Variants in VTI1A observed in about 807,000 individuals in gnomAD.
VTI1A encodes the protein vesicle transport through interaction with t-SNAREs 1A.
In VTI1A, 22 loss-of-function variants were observed where a neutral mutation model predicts 34.9. The ratio of observed to expected loss-of-function variants is 0.63; its 90% CI spans 0.45 to 0.90. The LOEUF (loss-of-function observed/expected upper bound fraction) is 0.90. Among genes scored for constraint, VTI1A ranks in the 40% least tolerant of loss-of-function variants. The pLI is 0.00. For synonymous variants in VTI1A, 87 were observed against 97.3 expected, an observed-to-expected ratio of 0.89 and a Z score of 0.62; for missense variants, 268 against 275.6, an observed-to-expected ratio of 0.97 and a Z score of 0.20.
chr10:112,641,999 C>T (rs1846594936), intron 5 of VTI1A, among the ~76,000 whole-genome samples: 1 of 152,324 alleles, frequency 6.6e-6, no homozygotes, highest in Admixed American at 6.5e-5. Flanking sequence ...ACCCAGACCA[C>T]TCTTTGAGCA....
rs574703522 is a variant in VTI1A, at chr10:112,595,831, T to C, written c.427+57501T>C. Among the ~76,000 whole-genome samples, 3 of 152,162 alleles carry C rather than the reference T, an allele frequency of 2.0e-5. No individual in the cohort carries two copies. The South Asian group carries it at 6.2e-4, about 32-fold the overall frequency. On this transcript the variant is annotated intron_variant, in intron 5 of 7. Coordinates refer to ENST00000393077, the MANE Select transcript of VTI1A (RefSeq NM_145206.4). ...TACTGGGTATATACCCAAAGGACTA[T>C]AAATCATGCTGCTATAAAGACACAT...
intron 5 of VTI1A, chr10:112,548,975 C>T: frequency 1.5e-6 from 1 of 649,054 alleles, no homozygotes. Flanking sequence ...TTCTCTTCTT[C>T]TCCTTCCCTG....
chr10:112,842,050 CCTTT>C, the VTI1A span, among the ~76,000 whole-genome samples: 1 of 93,164 alleles, frequency 1.1e-5, no homozygotes, highest in Admixed American at 1.1e-4. Context: ...TTTTTTTTTT[CCTTT>C]TTTTTTTTTT....
chr10:112,596,161 G>A (rs551514887), intron 5 of VTI1A, among the ~76,000 whole-genome samples: 1 of 150,930 alleles, frequency 6.6e-6, no homozygotes, highest in Admixed American at 6.6e-5. Flanking sequence ...GGGGACTGTT[G>A]TGGGGTGGAG....
At chr10:112,660,116 T>G (rs1399697531) in intron 5 of VTI1A, among the ~76,000 whole-genome samples, 1 of 152,198 alleles carries the variant, frequency 6.6e-6, no homozygotes, top group African/African-American at 2.4e-5. Context: ...TGTTGTTGTT[T>G]TTGAGACAGA....
chr10:112,808,596 G>T, intron 7 of VTI1A, among the ~76,000 whole-genome samples: 1 of 146,812 alleles, frequency 6.8e-6, no homozygotes. Flanking sequence ...CTGCACTCCA[G>T]CCTGGGCGAC....
intron 3 of VTI1A, among the ~76,000 whole-genome samples, chr10:112,468,266 A>G (rs1847967027): frequency 6.6e-6 from 1 of 152,212 alleles, no homozygotes; most frequent in Non-Finnish European, 1.5e-5. Context: ...TCATTTTACC[A>G]CACCATCTCA....
intron 5 of VTI1A, among the ~76,000 whole-genome samples, chr10:112,546,233 A>G (rs1477950503): frequency 6.6e-6 from 1 of 151,894 alleles, no homozygotes; most frequent in African/African-American, 2.4e-5. Context: ...ACACATATAT[A>G]TATACAAAAA....
chr10:112,685,209 T>G (rs1459802142), intron 7 of VTI1A, among the ~76,000 whole-genome samples: 2 of 152,236 alleles, frequency 1.3e-5, no homozygotes, highest in Non-Finnish European at 2.9e-5. Flanking sequence ...AGAAGCGGTT[T>G]TTTAAAAATC....
intron 5 of VTI1A, among the ~76,000 whole-genome samples, chr10:112,624,383 G>C (rs1317216063): frequency 6.6e-6 from 1 of 152,162 alleles, no homozygotes; most frequent in African/African-American, 2.4e-5. Context: ...GTATTTGCTA[G>C]TGGTTCCTAT....
chr10:112,622,811 G>C (rs1009107895), intron 5 of VTI1A, among the ~76,000 whole-genome samples: 1 of 152,206 alleles, frequency 6.6e-6, no homozygotes, highest in African/African-American at 2.4e-5. Context: ...TAGATTGGTA[G>C]AAAGTTGAAG....
intron 3 of VTI1A, among the ~76,000 whole-genome samples, chr10:112,469,062 C>T (rs1847996058): frequency 6.6e-6 from 1 of 152,146 alleles, no homozygotes; most frequent in Admixed American, 6.6e-5. Context: ...TATGTCATGC[C>T]ATTACACAAA....
intron 1 of VTI1A, among the ~76,000 whole-genome samples, chr10:112,455,853 T>C (rs1847503284): frequency 6.6e-6 from 1 of 152,146 alleles, no homozygotes; most frequent in South Asian, 2.1e-4. Context: ...TTGTGTTAAC[T>C]CCACCTCTAT....
chr10:112,792,510 T>G (rs879593617), intron 7 of VTI1A, among the ~76,000 whole-genome samples: 11 of 152,124 alleles, frequency 7.2e-5, no homozygotes, highest in Admixed American at 7.2e-4. Flanking sequence ...ATGCTGCTAT[T>G]GTTTGTTGAC....
intron 7 of VTI1A, among the ~76,000 whole-genome samples, chr10:112,753,012 A>AT (rs1851157179): frequency 6.6e-6 from 1 of 152,048 alleles, no homozygotes; most frequent in African/African-American, 2.4e-5. Flanking sequence ...CCTGATTTGT[A>AT]TGTGTATCTT....
chr10:112,476,950 A>G (rs900327223), intron 3 of VTI1A, among the ~76,000 whole-genome samples: 1 of 152,180 alleles, frequency 6.6e-6, no homozygotes, highest in Non-Finnish European at 1.5e-5. Context: ...GGTGGTAAAG[A>G]CTGAGCCAGA....
chr10:112,609,990 C>G (rs903790416), intron 5 of VTI1A, among the ~76,000 whole-genome samples: 1 of 151,812 alleles, frequency 6.6e-6, no homozygotes, highest in African/African-American at 2.4e-5. Context: ...AGACTGCACC[C>G]TGGCTTTCAA....
chr10:112,498,140 C>T (rs1393456035), intron 3 of VTI1A, among the ~76,000 whole-genome samples: 1 of 152,120 alleles, frequency 6.6e-6, no homozygotes, highest in Non-Finnish European at 1.5e-5. Flanking sequence ...ATTCAGAATG[C>T]ACTTGAGTTC....
intron 7 of VTI1A, among the ~76,000 whole-genome samples, chr10:112,738,727 A>G (rs1420411830): frequency 6.6e-6 from 1 of 152,188 alleles, no homozygotes; most frequent in Non-Finnish European, 1.5e-5. Flanking sequence ...GTACGACAGA[A>G]CTGTGTTTAC....
Sources: allele counts gnomAD v4.1 joint callset (sites outside exome capture counted in the v4.1 genomes callset), GRCh38; gene constraint gnomAD v4.1.1; transcripts MANE v1.5; gene names NCBI Gene and HGNC (gene_info 2026-07-23, HGNC 2026-07-21).